SLC24A2: variants seen among roughly 807,000 people sequenced by gnomAD.
SLC24A2 encodes the protein sodium/potassium/calcium exchanger 2.
In SLC24A2, 36 loss-of-function variants were observed where a neutral mutation model predicts 62.0. That is an observed-to-expected ratio of 0.58 (90% CI 0.44 to 0.77). The LOEUF (loss-of-function observed/expected upper bound fraction) is 0.77. Ranked by LOEUF, SLC24A2 falls within the 30% of genes least tolerant of loss-of-function variation. SLC24A2 has a pLI of 0.00. For missense variants in SLC24A2, 846 were observed against 817.9 expected (o/e 1.03, Z -0.42); for synonymous variants, 358 against 294.0 (o/e 1.22, Z -2.23).
At chr9:20,291,989 G>C in the SLC24A2 span, among the ~76,000 whole-genome samples, 1 of 152,182 alleles carries the variant, frequency 6.6e-6, no homozygotes, top group South Asian at 2.1e-4. Flanking sequence ...ATGGAGACTA[G>C]AAAGGGTGTC....
intron 5 of SLC24A2, among the ~76,000 whole-genome samples, chr9:19,585,096 C>T (rs925128688): frequency 8.5e-5 from 13 of 152,050 alleles, no homozygotes; most frequent in Admixed American, 3.3e-4. Flanking sequence ...AATGAGGCAG[C>T]GGAATTTCCT....
At chr9:20,102,326 G>A in the SLC24A2 span, among the ~76,000 whole-genome samples, 1,228 of 152,186 alleles carry the variant, frequency 8.1e-3, 19 homozygotes, top group African/African-American at 0.028. Flanking sequence ...AAAAGTAAGA[G>A]ATCATGTCCT....
At chr9:19,844,979 A>C in the SLC24A2 span, among the ~76,000 whole-genome samples, 2 of 140,434 alleles carry the variant, frequency 1.4e-5, no homozygotes, top group Admixed American at 1.4e-4. Context: ...TTTCCTGAGG[A>C]TTGCCTTGGC....
At chr9:19,809,488 A>AT in the SLC24A2 span, among the ~76,000 whole-genome samples, 3 of 152,176 alleles carry the variant, frequency 2.0e-5, no homozygotes, top group Non-Finnish European at 2.9e-5. Context: ...CTCCGTAAGG[A>AT]TTTTTTTAAT....
chr9:20,193,889 C>T, the SLC24A2 span, among the ~76,000 whole-genome samples: 1 of 151,984 alleles, frequency 6.6e-6, no homozygotes, highest in East Asian at 1.9e-4. Context: ...ATCAAAGGGG[C>T]AATGCCAAGA....
chr9:20,182,780 G>A, the SLC24A2 span, among the ~76,000 whole-genome samples: 4 of 151,958 alleles, frequency 2.6e-5, no homozygotes, highest in Non-Finnish European at 4.4e-5. Flanking sequence ...TTTAAAGTAT[G>A]ATACAAAAAA....
chr9:19,849,653 G>A, the SLC24A2 span, among the ~76,000 whole-genome samples: 25 of 152,280 alleles, frequency 1.6e-4, no homozygotes, highest in African/African-American at 5.5e-4. Flanking sequence ...ACTCACCAAC[G>A]TGTAGGCTAT....
chr9:20,123,511 A>C, the SLC24A2 span, among the ~76,000 whole-genome samples: 1 of 152,232 alleles, frequency 6.6e-6, no homozygotes, highest in African/African-American at 2.4e-5. Context: ...TTATAAACTC[A>C]AAATCAGGCA....
At chr9:19,706,793 A>G (rs112255520) in intron 2 of SLC24A2, among the ~76,000 whole-genome samples, 21,585 of 152,072 alleles carry the variant, frequency 0.14, 2,423 homozygotes, top group African/African-American at 0.32. Context: ...AATGCCCACA[A>G]GAGAAAGCAG....
At chr9:19,918,091 C>T in the SLC24A2 span, among the ~76,000 whole-genome samples, 3 of 151,690 alleles carry the variant, frequency 2.0e-5, no homozygotes, top group Admixed American at 2.0e-4. Flanking sequence ...ACAATCTTGT[C>T]ATTATCCTTC....
the SLC24A2 span, among the ~76,000 whole-genome samples, chr9:20,196,291 C>A: frequency 6.6e-6 from 1 of 152,182 alleles, no homozygotes; most frequent in South Asian, 2.1e-4. Flanking sequence ...GCTTTCACTG[C>A]AGCATTATTA....
the SLC24A2 span, among the ~76,000 whole-genome samples, chr9:19,921,089 T>A: frequency 1.6e-5 from 2 of 126,938 alleles, no homozygotes; most frequent in African/African-American, 2.9e-5. Context: ...GGGGGGGGGG[T>A]GTTCCAAAGT....
the SLC24A2 span, among the ~76,000 whole-genome samples, chr9:19,990,426 A>C: frequency 6.6e-6 from 1 of 152,026 alleles, no homozygotes; most frequent in Non-Finnish European, 1.5e-5. Flanking sequence ...CCTGGCCAAC[A>C]TGGTGAAACC....
intron 8 of SLC24A2, among the ~76,000 whole-genome samples, chr9:19,535,074 C>T (rs1362298546): frequency 6.6e-6 from 1 of 152,126 alleles, no homozygotes; most frequent in African/African-American, 2.4e-5. Context: ...GATAGTATCT[C>T]ATTGTGGTTT....
At chr9:19,916,587 T>C in the SLC24A2 span, among the ~76,000 whole-genome samples, 1 of 152,026 alleles carries the variant, frequency 6.6e-6, no homozygotes, top group African/African-American at 2.4e-5. Context: ...CACATTTTCA[T>C]ATTTATGGAA....
chr9:19,836,405 G>C, the SLC24A2 span, among the ~76,000 whole-genome samples: 1 of 152,056 alleles, frequency 6.6e-6, no homozygotes, highest in African/African-American at 2.4e-5. Flanking sequence ...TACCACCACC[G>C]ATCCCACAGA....
chr9:19,664,446 A>G (rs974730987), intron 2 of SLC24A2, among the ~76,000 whole-genome samples: 2 of 152,260 alleles, frequency 1.3e-5, no homozygotes, highest in African/African-American at 2.4e-5. Flanking sequence ...TGTTCACAGT[A>G]ACCCTGAAAA....
At chr9:19,712,911 T>G (rs1485668181) in intron 2 of SLC24A2, among the ~76,000 whole-genome samples, 1 of 152,124 alleles carries the variant, frequency 6.6e-6, no homozygotes, top group Non-Finnish European at 1.5e-5. Flanking sequence ...AATTAAAAAC[T>G]TCTCCAGACA....
At chr9:20,242,116 C>G in the SLC24A2 span, among the ~76,000 whole-genome samples, 3 of 152,120 alleles carry the variant, frequency 2.0e-5, no homozygotes, top group African/African-American at 7.2e-5. Flanking sequence ...AGCCGCTGGC[C>G]AAGCCACAGG....
Sources: gnomAD v4.1 joint callset for allele counts (sites outside exome capture counted in the v4.1 genomes callset) on GRCh38, gnomAD v4.1.1 for gene constraint, MANE v1.5 for transcripts, NCBI Gene and HGNC (gene_info 2026-07-23, HGNC 2026-07-21) for gene names.